LYRM7: variants seen among roughly 807,000 people sequenced by gnomAD.
LYRM7 encodes LYR motif containing 7.
LYRM7 carries 9 observed loss-of-function variants against 15.8 expected under a neutral mutation model. The observed-to-expected ratio is 0.57, with a 90% CI of 0.34 to 0.99. The LOEUF (loss-of-function observed/expected upper bound fraction) is 0.99, where lower values mean the gene tolerates loss of function less well. LYRM7 is among the 50% of genes least tolerant of loss of function. LYRM7 has a pLI of 0.02. For synonymous variants in LYRM7, 39 were observed against 39.4 expected (o/e 0.99, Z 0.04); for missense variants, 115 against 119.1 (o/e 0.97, Z 0.16).
intron 3 of LYRM7, among the ~76,000 whole-genome samples, chr5:131,182,554 A>G (rs1297820702): frequency 2.6e-5 from 4 of 152,218 alleles, no homozygotes; most frequent in Non-Finnish European, 5.9e-5. Flanking sequence ...GAACAAACCC[A>G]GAAACCTACA....
At chr5:131,173,215 A>G (rs763395762) in intron 1 of LYRM7, among the ~76,000 whole-genome samples, 11 of 152,190 alleles carry the variant, frequency 7.2e-5, no homozygotes, top group Admixed American at 2.6e-4. Flanking sequence ...GGCTTTTACT[A>G]TCAAGCACCT....
chr5:131,173,258 T>G (rs1755550170), intron 1 of LYRM7, among the ~76,000 whole-genome samples: 1 of 152,232 alleles, frequency 6.6e-6, no homozygotes, highest in South Asian at 2.1e-4. Context: ...CATTACTCAA[T>G]TCCAAAGCCA....
chr5:131,182,863 A>G (rs1461717457), intron 3 of LYRM7, among the ~76,000 whole-genome samples: 5 of 152,140 alleles, frequency 3.3e-5, no homozygotes, highest in Non-Finnish European at 5.9e-5. Context: ...CTTTTCCTAT[A>G]TATTATGTAT....
chr5:131,175,692 G>T (rs777673467), intron 1 of LYRM7, among the ~76,000 whole-genome samples: 2 of 151,432 alleles, frequency 1.3e-5, no homozygotes, highest in Non-Finnish European at 2.9e-5. Flanking sequence ...CCTCCACCAC[G>T]CCTGGCTAAT....
At chr5:131,186,893 T>A in intron 3 of LYRM7, 135 bp from the exon 4 acceptor site, 3 of 592,650 alleles carry the variant, frequency 5.1e-6, no homozygotes, top group East Asian at 3.0e-5. Flanking sequence ...TGACCACGGA[T>A]AACTGAAACT....
chr5:131,204,450 G>C lies in LYRM7; in HGVS notation c.*4849G>C, dbSNP rs1174929862. The C allele has an allele frequency of 6.8e-6, 1 of 147,596 alleles. No homozygotes were observed. The highest frequency in any genetic ancestry group is 2.0e-4 in the East Asian group (1 of 5,050). The allele number at this position is 147,596 out of a possible 1,614,324, so 9.1% of individuals were successfully genotyped here. On this transcript the variant is annotated 3_prime_UTR_variant, in exon 5 of 5. Transcript: ENST00000379380. ...TTATACTCTGGAATATTTTCCAAGA[G>C]TTGAAAAGGATGAGGATACACACAC...
chr5:131,196,820 G>A (rs1755972651), intron 4 of LYRM7, among the ~76,000 whole-genome samples: 1 of 151,952 alleles, frequency 6.6e-6, no homozygotes, highest in African/African-American at 2.4e-5. Flanking sequence ...ACCACGCCCA[G>A]CTAATTTTTG....
chr5:131,197,490 A>G (rs1227840646), intron 4 of LYRM7, among the ~76,000 whole-genome samples: 1 of 151,538 alleles, frequency 6.6e-6, no homozygotes, highest in Non-Finnish European at 1.5e-5. Context: ...TAATTAAGTG[A>G]AATATTCAGT....
At chr5:131,192,917 G>T (rs994869451) in intron 4 of LYRM7, among the ~76,000 whole-genome samples, 3 of 152,058 alleles carry the variant, frequency 2.0e-5, no homozygotes, top group African/African-American at 7.2e-5. Context: ...TGGTTTCAGT[G>T]TTGGCCTTTG....
intron 1 of LYRM7, among the ~76,000 whole-genome samples, chr5:131,174,690 C>G (rs1345364631): frequency 6.6e-6 from 1 of 151,992 alleles, no homozygotes; most frequent in Non-Finnish European, 1.5e-5. Flanking sequence ...ACAAAAAGTA[C>G]AAAAATTAGC....
chr5:131,187,849 C>A (rs549661581), intron 4 of LYRM7, among the ~76,000 whole-genome samples: 1 of 152,196 alleles, frequency 6.6e-6, no homozygotes, highest in South Asian at 2.1e-4. Context: ...AGTTGAGGAT[C>A]CTCCATCATA....
At chr5:131,189,057 A>C (rs2149663789) in intron 4 of LYRM7, among the ~76,000 whole-genome samples, 1 of 151,414 alleles carries the variant, frequency 6.6e-6, no homozygotes, top group Admixed American at 6.6e-5. Context: ...AAGGGAGGAG[A>C]ATCACTTGAA....
chr5:131,172,616 C>T (rs1755540357), intron 1 of LYRM7, among the ~76,000 whole-genome samples: 1 of 151,834 alleles, frequency 6.6e-6, no homozygotes, highest in Non-Finnish European at 1.5e-5. Context: ...GTAGAGCCTA[C>T]AATATATAGA....
At chr5:131,178,961 C>CA (rs58612746) in intron 1 of LYRM7, among the ~76,000 whole-genome samples, 12,052 of 59,614 alleles carry the variant, frequency 0.2, 1,133 homozygotes, top group African/African-American at 0.26. Context: ...GACTCCGTCT[C>CA]AAAAAAAAAA....
At chr5:131,187,143 G>A in intron 4 of LYRM7, 34 bp downstream of exon 4, 1 of 1,158,906 alleles carries the variant, frequency 8.6e-7, no homozygotes, top group Non-Finnish European at 1.2e-6. Flanking sequence ...GTTTCTAACT[G>A]CAATGTGTTT....
At chr5:131,187,667 A>G (rs1438340401) in intron 4 of LYRM7, among the ~76,000 whole-genome samples, 2 of 151,642 alleles carry the variant, frequency 1.3e-5, no homozygotes, top group Admixed American at 6.6e-5. Context: ...TGTATTTTTA[A>G]TAGAAACAGG....
At position 131,199,654 on chromosome 5, in the gene LYRM7, T is replaced by G. The variant is rs1756026711; in HGVS notation, c.*53T>G. 1 of 1,325,398 alleles carries G rather than the reference T, an allele frequency of 7.5e-7. No individual in the cohort carries two copies. The highest frequency in any genetic ancestry group is 1.1e-6 in the Non-Finnish European group (1 of 950,582). 82.1% of individuals were successfully genotyped at this position (1,325,398 alleles called of 1,614,324 possible). ...ACTTTTTAACTTTAAAATCTACAAC[T>G]CTGGCAAAAGTCCTGGAAATGCAGA... On this transcript the variant is annotated 3_prime_UTR_variant, in exon 5 of 5. Coordinates refer to ENST00000379380, the MANE Select transcript of LYRM7 (RefSeq NM_181705.4).
intron 4 of LYRM7, among the ~76,000 whole-genome samples, chr5:131,198,281 A>G (rs1167544367): frequency 6.6e-6 from 1 of 152,086 alleles, no homozygotes; most frequent in Non-Finnish European, 1.5e-5. Flanking sequence ...TAATCTTTCC[A>G]TTTGTCCTAA....
intron 4 of LYRM7, among the ~76,000 whole-genome samples, chr5:131,198,632 G>A (rs6879803): frequency 0.17 from 26,285 of 151,558 alleles, 2,601 homozygotes; most frequent in African/African-American, 0.27. Context: ...GCACCATCTC[G>A]GCTCACTCAC....
Sources: allele counts gnomAD v4.1 joint callset (sites outside exome capture counted in the v4.1 genomes callset), GRCh38; gene constraint gnomAD v4.1.1; transcripts MANE v1.5; gene names NCBI Gene and HGNC (gene_info 2026-07-23, HGNC 2026-07-21).